Variants in STRN4 observed in about 807,000 individuals in gnomAD.
STRN4 encodes striatin 4.
STRN4 carries 27 observed loss-of-function variants against 77.9 expected under a neutral mutation model. The observed-to-expected ratio is 0.35, with a 90% CI of 0.26 to 0.48. The LOEUF (loss-of-function observed/expected upper bound fraction) is 0.48, where lower values mean the gene tolerates loss of function less well. STRN4 is among the 20% of genes least tolerant of loss of function. The pLI is 0.99. For missense variants in STRN4, 798 were observed against 1,049.7 expected (o/e 0.76, Z 3.31); for synonymous variants, 466 against 443.1 (o/e 1.05, Z -0.65).
In STRN4 at chr19:46,733,180, A is replaced by G. The variant is rs776074034; in HGVS notation, c.596T>C (p.Val199Ala). Residue 199 changes from valine to alanine, a missense_variant, in exon 5 of 18, where the codon GTC (valine) becomes GCC (alanine). Val to Ala is a moderately conservative substitution (Grantham distance 64). Coordinates refer to ENST00000263280, the MANE Select transcript of STRN4 (RefSeq NM_013403.3). This position sits in a 1 kb window ranked among gnomAD's most constrained non-coding sequence, Gnocchi z 4.3. ...DTILDMRSKR[V>A]RSLLGRSLEL... The stretch of plus-strand genomic sequence containing the variant: ...CAGCGAGCGGCCCAGCAGGGAACGG[A>G]CGCGCTTGGACCGCATGTCGAGGAT... 26 of 1,611,428 alleles carry G rather than the reference A, an allele frequency of 1.6e-5. No homozygotes were observed. In the East Asian group the frequency reaches 5.6e-4, roughly 35 times the overall value.
In STRN4 at chr19:46,723,906, C is replaced by T. The variant is rs745881767; in HGVS notation, c.1595-622G>A. Among the ~76,000 whole-genome samples, 8 of 152,128 alleles carry T rather than the reference C, an allele frequency of 5.3e-5. No homozygotes were observed. The highest frequency in any genetic ancestry group is 1.9e-4 in the African/African-American group (8 of 41,422). On this transcript the variant is annotated intron_variant, in intron 12 of 17. Transcript: ENST00000263280. This position sits in a 1 kb window ranked among gnomAD's most constrained non-coding sequence, Gnocchi z 5.5. ...TCCTCCCCTTGAGAGGAGACAAAGA[C>T]CTCTGAACTCTGCCCAGACAAGGTG... is the stretch of plus-strand genomic sequence containing the variant.
In STRN4 at chr19:46,736,387, C is replaced by T. The variant is rs527713093; in HGVS notation, c.539+436G>A. ...ACCTACTTACAGATCTGCCTTCTCC[C>T]CACTTCCCACTACTGTATTTGATTA... On this transcript the variant is annotated intron_variant, in intron 4 of 17. Coordinates refer to ENST00000263280, the MANE Select transcript of STRN4 (RefSeq NM_013403.3). 9 of 153,452 alleles carry T rather than the reference C, an allele frequency of 5.9e-5. No individual in the cohort carries two copies. The South Asian group carries it at 1.7e-3, about 28-fold the overall frequency. 9.5% of individuals were successfully genotyped at this position (153,452 alleles called of 1,614,324 possible).
Position 46,746,435 on chromosome 19 carries a change from G to C in STRN4, c.-5C>G. On this transcript the variant is annotated 5_prime_UTR_variant, in exon 1 of 18. Transcript: ENST00000263280. ...GGCCGCTCGCTCCTCCATCATGGAG[G>C]CCCCGGGGCCGGCCTGCGCGCCCGC... 9.9e-7 allele frequency: 1 copy of C among 1,013,806 alleles called. No individual in the cohort carries two copies. Among genetic ancestry groups the C allele is most frequent in the Non-Finnish European group, 1.2e-6 (1 of 850,626 alleles). The allele number at this position is 1,013,806 out of a possible 1,614,324, so 62.8% of individuals were successfully genotyped here.
intron 12 of STRN4, among the ~76,000 whole-genome samples, chr19:46,724,235 G>A (rs756943794): frequency 5.9e-5 from 7 of 118,050 alleles, no homozygotes; most frequent in South Asian, 2.7e-4. Context: ...GTGACAGAGT[G>A]AGACTCTTTG....
At chr19:46,737,395 G>C (rs781676195) in intron 3 of STRN4, among the ~76,000 whole-genome samples, 1 of 152,238 alleles carries the variant, frequency 6.6e-6, no homozygotes, top group Non-Finnish European at 1.5e-5. Flanking sequence ...CCAGGGGCCT[G>C]GGCTACATGG....
Position 46,723,126 on chromosome 19 carries a change from G to A in STRN4, c.1753C>T (p.Pro585Ser). ...GGCCCCCACTCACCGCTGGCTGTGG[G>A]GAAGGTGCAGAGGCAGGCCGGGCTG... ...SSSPACLCTFPTASEHGVPTS... is the reference protein window; with the variant it reads ...SSSPACLCTFSTASEHGVPTS... Residue 585 changes from proline (P) to serine (S), a missense_variant, in exon 13 of 18, where the codon CCC becomes TCC. Around this residue, in one of 2 missense-constraint regions of STRN4, gnomAD observed 287 missense variants for 473.8 expected, o/e 0.61. Coordinates refer to ENST00000263280, the MANE Select transcript of STRN4 (RefSeq NM_013403.3). The surrounding 1 kb of genome is among the most constrained non-coding windows in gnomAD (Gnocchi z 5.5). 6.4e-7 allele frequency: 1 copy of A among 1,567,020 alleles called. No individual in the cohort carries two copies. The highest frequency in any genetic ancestry group is 8.6e-7 in the Non-Finnish European group (1 of 1,156,572).
rs888874360 is a variant in STRN4 at position 46,721,818 on chromosome 19, G to T, written c.2092+168C>A. 3 of 637,074 alleles carry T rather than the reference G, an allele frequency of 4.7e-6. No individual in the cohort carries two copies. In the Admixed American group the frequency reaches 8.5e-5, roughly 18 times the overall value. The allele number at this position is 637,074 out of a possible 1,614,324, so 39.5% of individuals were successfully genotyped here. On this transcript the variant is annotated intron_variant, in intron 16 of 17. Coordinates refer to ENST00000263280, the MANE Select transcript of STRN4 (RefSeq NM_013403.3). ...TGCAGCTCCAGTGACCCAGAGGAGG[G>T]CCCCAGCGGACTGTGCTGCCCCCTA...
chr19:46,724,838 T>C lies in STRN4; in HGVS notation c.1563A>G (p.Pro521=). ...CATCATAGGGATCCATGCTGAGGTC[T>C]GGAATCTTCCAACTATGGATGCAGG... ...ADACIHSWKI[P]DLSMDPYDGY... The change falls in exon 12 of 18, where the codon CCA becomes CCG. Residue 521 remains proline (P), a synonymous_variant. Coordinates refer to ENST00000263280, the MANE Select transcript of STRN4 (RefSeq NM_013403.3). 1.9e-6 allele frequency: 3 copies of C among 1,613,876 alleles called. No individual in the cohort carries two copies. In the East Asian group the frequency reaches 6.7e-5, roughly 36 times the overall value.
At chr19:46,724,983 G>T (rs2054073828) in intron 11 of STRN4, 55 bp from the exon 12 acceptor site, 1 of 1,610,546 alleles carries the variant, frequency 6.2e-7, no homozygotes, top group Admixed American at 1.7e-5. Context: ...GGCCTCCCCT[G>T]GCCACAGGAC....
Position 46,733,547 on chromosome 19 carries a change from A to C in STRN4, c.540-311T>G, listed in dbSNP as rs993027532. On this transcript the variant is annotated intron_variant, in intron 4 of 17. Coordinates refer to ENST00000263280, the MANE Select transcript of STRN4 (RefSeq NM_013403.3). This position sits in a 1 kb window ranked among gnomAD's most constrained non-coding sequence, Gnocchi z 4.3. ...CAAATGACTCATAGCGCTGCAAGGC[A>C]GAAGATCAACAGGGCAGAGCCTTAA... The C allele has an allele frequency of 5.8e-6, 2 of 343,148 alleles. No individual in the cohort carries two copies. Among genetic ancestry groups the C allele is most frequent in the African/African-American group, 4.2e-5 (2 of 47,660 alleles). 21.3% of individuals were successfully genotyped at this position (343,148 alleles called of 1,614,324 possible). A position where few individuals can be genotyped will look rare whatever the true frequency, so the allele number is the denominator to read the frequency against.
chr19:46,722,026 G>A lies in STRN4; in HGVS notation c.2052C>T (p.Cys684=), dbSNP rs775310121. ...ATGCGCCGTTGGGGTCCACGGCTAG[G>A]CAGGTGACTGCGTCCAGGTGTGCAA... is the stretch of plus-strand genomic sequence containing the variant. The part of the protein sequence containing the change: ...SMVAHLDAVT[C]LAVDPNGAFL... The change falls in exon 16 of 18, where the codon TGC becomes TGT. Residue 684 remains cysteine, a synonymous_variant. Transcript: ENST00000263280. 2.2e-5 allele frequency: 35 copies of A among 1,613,488 alleles called. No individual in the cohort carries two copies. In the South Asian group the frequency reaches 3.3e-4, roughly 15 times the overall value.
At chr19:46,728,564 C>A in intron 7 of STRN4, 54 bp downstream of exon 7, 1 of 1,583,412 alleles carries the variant, frequency 6.3e-7, no homozygotes, top group Non-Finnish European at 8.6e-7. Context: ...GAGCCTGCTC[C>A]CACCCCCTCG....
At chr19:46,742,837 A>G (rs1360533674) in intron 1 of STRN4, among the ~76,000 whole-genome samples, 1 of 152,268 alleles carries the variant, frequency 6.6e-6, no homozygotes, top group Admixed American at 6.5e-5. Context: ...CTGGGATTAC[A>G]GGCGCGAGCC....
intron 7 of STRN4, 76 bp downstream of exon 7, chr19:46,728,542 C>A: frequency 6.5e-7 from 1 of 1,532,474 alleles, no homozygotes; most frequent in South Asian, 1.2e-5. Flanking sequence ...CAGGAAGCAG[C>A]TGCGGGCAGC....
Position 46,720,622 on chromosome 19 carries a change from G to A in STRN4, c.2242C>T (p.Leu748=), listed in dbSNP as rs1345969512. Residue 748 remains leucine (L), a synonymous_variant, in exon 17 of 18, where the codon CTG becomes TTG. Transcript: ENST00000263280. Reference sequence around the variant, plus strand: ...GGGCATCATACGAAGACCTTGGCCAGGGCATCAGCGCCAGCACTGGCAATG... The same window carrying A: ...GGGCATCATACGAAGACCTTGGCCAAGGCATCAGCGCCAGCACTGGCAATG... ...ALIASAGADA[L]AKVFV is the part of the protein sequence containing the mutation. 6.3e-7 allele frequency: 1 copy of A among 1,595,890 alleles called. No individual in the cohort carries two copies. Among genetic ancestry groups the A allele is most frequent in the East Asian group, 2.3e-5 (1 of 44,362 alleles).
At chr19:46,734,940 A>T (rs2054328965) in intron 4 of STRN4, among the ~76,000 whole-genome samples, 1 of 152,154 alleles carries the variant, frequency 6.6e-6, no homozygotes, top group African/African-American at 2.4e-5. Context: ...CTGGGATTAC[A>T]GGCATGAGCT....
At chr19:46,728,590 G>A (rs370821524) in intron 7 of STRN4, 28 bp downstream of exon 7, 20 of 1,603,052 alleles carry the variant, frequency 1.2e-5, no homozygotes, top group Middle Eastern at 1.7e-4. Flanking sequence ...GAAGGCAAGC[G>A]GGGGCTGGCC....
rs1211724821 is a variant in STRN4, at chr19:46,733,710, T to A, written c.540-474A>T. 6.4e-6 allele frequency: 1 copy of A among 157,292 alleles called. No homozygotes were observed. The highest frequency in any genetic ancestry group is 2.4e-5 in the African/African-American group (1 of 41,508). 9.7% of individuals were successfully genotyped at this position (157,292 alleles called of 1,614,324 possible). A position where few individuals can be genotyped will look rare whatever the true frequency, so the allele number is the denominator to read the frequency against. Reference sequence around the variant, plus strand: ...CACACGCAAACACACGTTTGTATTATGTCCCCCAAGAGGCCTAGAAAGATC... The same window carrying A: ...CACACGCAAACACACGTTTGTATTAAGTCCCCCAAGAGGCCTAGAAAGATC... On this transcript the variant is annotated intron_variant, in intron 4 of 17. Transcript: ENST00000263280. This position sits in a 1 kb window ranked among gnomAD's most constrained non-coding sequence, Gnocchi z 4.3.
Position 46,738,343 on chromosome 19 carries a change from C to T in STRN4, c.387-106G>A. 1 of 1,047,654 alleles carries T rather than the reference C, an allele frequency of 9.5e-7. No individual in the cohort carries two copies. Among genetic ancestry groups the T allele is most frequent in the Non-Finnish European group, 1.5e-6 (1 of 680,142 alleles). The allele number at this position is 1,047,654 out of a possible 1,614,324, so 64.9% of individuals were successfully genotyped here. The stretch of plus-strand genomic sequence containing the variant: ...AAACCCCAAATCACAGGGCCTCCCC[C>T]AGCTCGTCTACTACTGAGGCTGAAG... On this transcript the variant is annotated intron_variant, in intron 2 of 17. Coordinates refer to ENST00000263280, the MANE Select transcript of STRN4 (RefSeq NM_013403.3). The surrounding 1 kb of genome is among the most constrained non-coding windows in gnomAD (Gnocchi z 4.5).
Sources: gnomAD v4.1 joint callset for allele counts (sites outside exome capture counted in the v4.1 genomes callset) on GRCh38, gnomAD v4.1.1 for gene constraint, gnomAD v4.1.1 regional missense constraint, Gnocchi (gnomAD v3.1) non-coding constraint, MANE v1.5 for transcripts, NCBI Gene and HGNC (gene_info 2026-07-23, HGNC 2026-07-21) for gene names.